Variants in SLC39A5 observed in about 807,000 individuals in gnomAD.
SLC39A5 encodes the protein zinc transporter ZIP5.
Under a neutral mutation model 46.9 loss-of-function variants are expected in SLC39A5, and 42 were observed. That is an observed-to-expected ratio of 0.90 (90% CI 0.70 to 1.16). The LOEUF (loss-of-function observed/expected upper bound fraction) is 1.16, where lower values mean the gene tolerates loss of function less well. Ranked by LOEUF, SLC39A5 falls within the 50% of genes most tolerant of loss-of-function variation. The pLI is 0.00. For missense variants in SLC39A5, 677 were observed against 686.8 expected, an observed-to-expected ratio of 0.99 and a Z score of 0.16; for synonymous variants, 311 against 323.1, an observed-to-expected ratio of 0.96 and a Z score of 0.40.
chr12:56,231,882 C>T (rs909018963), intron 4 of SLC39A5, among the ~76,000 whole-genome samples: 1 of 151,986 alleles, frequency 6.6e-6, no homozygotes, highest in African/African-American at 2.4e-5. Context: ...CACACCACCA[C>T]AGCCGGCTAA....
chr12:56,231,504 A>G lies in SLC39A5; in HGVS notation c.230A>G (p.Gln77Arg). ...LGRVQGLRLG[Q>R]HGPLTGRAAS... is the part of the protein sequence containing the mutation. The stretch of plus-strand genomic sequence containing the variant: ...CGAGTTCAGGGGCTTCGCCTGGGAC[A>G]GCATGGGCCTCTGACTGGACGGGCT... The change falls in exon 4 of 13, where the codon CAG becomes CGG. Residue 77 changes from glutamine (Q) to arginine (R), a missense_variant. Physicochemically the swap from Gln to Arg is conservative, Grantham distance 43. Transcript: ENST00000454355. The G allele has an allele frequency of 6.2e-7, 1 of 1,604,058 alleles. No individual in the cohort carries two copies. Among genetic ancestry groups the G allele is most frequent in the Non-Finnish European group, 8.5e-7 (1 of 1,174,284 alleles).
Position 56,237,578 on chromosome 12 carries a change from T to C in SLC39A5, c.1480-10T>C. Reference sequence around the variant, plus strand: ...AAGGCCAGAATCCTGACATCCTCTTTTTCTTTCAGCTACCAGCCCTGCTTC... The same window carrying C: ...AAGGCCAGAATCCTGACATCCTCTTCTTCTTTCAGCTACCAGCCCTGCTTC... On this transcript the variant is annotated splice_polypyrimidine_tract_variant and intron_variant, in intron 12 of 12. Transcript: ENST00000454355. The C allele has an allele frequency of 1.5e-5, 24 of 1,613,784 alleles. No homozygotes were observed. The highest frequency in any genetic ancestry group is 2.0e-5 in the Non-Finnish European group (24 of 1,179,918).
chr12:56,232,039 C>T (rs1424044283), intron 4 of SLC39A5, among the ~76,000 whole-genome samples: 1 of 151,976 alleles, frequency 6.6e-6, no homozygotes, highest in Non-Finnish European at 1.5e-5. Flanking sequence ...CCCTCCGTTG[C>T]CTTCTAATTC....
intron 5 of SLC39A5, among the ~76,000 whole-genome samples, chr12:56,234,368 G>A (rs966929494): frequency 1.3e-5 from 2 of 149,490 alleles, no homozygotes; most frequent in East Asian, 3.9e-4. Context: ...AGGCTGGAGT[G>A]CACTGGTGCA....
intron 3 of SLC39A5, 132 bp downstream of exon 3, chr12:56,231,005 G>A (rs908722062): frequency 2.2e-6 from 1 of 461,374 alleles, no homozygotes; most frequent in South Asian, 3.9e-5. Context: ...AGTATGAGGA[G>A]AGCTCTGACT....
At chr12:56,236,259 A>G in intron 8 of SLC39A5, 137 bp from the exon 9 acceptor site, 1 of 738,344 alleles carries the variant, frequency 1.4e-6, no homozygotes, top group Non-Finnish European at 2.3e-6. Context: ...CCAACTTGGG[A>G]AGAAGGTAGA....
intron 5 of SLC39A5, among the ~76,000 whole-genome samples, chr12:56,233,874 T>C (rs570631687): frequency 3.9e-5 from 6 of 152,322 alleles, no homozygotes; most frequent in East Asian, 1.9e-4. Flanking sequence ...TTTAAGATTC[T>C]GGCATGGAGA....
intron 4 of SLC39A5, 105 bp downstream of exon 4, chr12:56,231,666 C>G: frequency 8.0e-7 from 1 of 1,254,124 alleles, no homozygotes; most frequent in Non-Finnish European, 1.1e-6. Flanking sequence ...CCTGGAGTTA[C>G]AAATTCTTCA....
At chr12:56,232,602 C>G in intron 4 of SLC39A5, 87 bp from the exon 5 acceptor site, 1 of 1,241,476 alleles carries the variant, frequency 8.1e-7, no homozygotes, top group Non-Finnish European at 1.1e-6. Context: ...GCTAGTCCCC[C>G]CATTCCCCCT....
In SLC39A5 at chr12:56,232,877, G is replaced by T; in HGVS notation, c.471+5G>T. On this transcript the variant is annotated splice_donor_5th_base_variant and intron_variant, in intron 5 of 12. Transcript: ENST00000454355. ...GCTGACCACCTGAATGAGGATGTGA[G>T]TCTGACGGTCTCTAGAGGGGAAGGA... 4 of 1,607,272 alleles carry T rather than the reference G, an allele frequency of 2.5e-6. No individual in the cohort carries two copies. The highest frequency in any genetic ancestry group is 3.4e-6 in the Non-Finnish European group (4 of 1,177,462).
At chr12:56,237,482 G>T (rs1870931408) in intron 12 of SLC39A5, 106 bp from the exon 13 acceptor site, 1 of 1,573,358 alleles carries the variant, frequency 6.4e-7, no homozygotes, top group African/African-American at 1.4e-5. Flanking sequence ...AGAAACAAGG[G>T]ACTAAGGTGT....
chr12:56,236,750 TG>T lies in SLC39A5; in HGVS notation c.1207+5del, dbSNP rs1870817624. On this transcript the variant is annotated splice_donor_5th_base_variant and intron_variant, in intron 10 of 12. Coordinates refer to ENST00000454355, the MANE Select transcript of SLC39A5 (RefSeq NM_173596.3). ...CTCACTGATGGGCTGGCCATAGGTG[TG>T]AGGGGTGGGAACGGAGGGAAGCAGG... The T allele has an allele frequency of 1.3e-6, 2 of 1,593,230 alleles. No individual in the cohort carries two copies. The highest frequency in any genetic ancestry group is 2.3e-5 in the South Asian group (2 of 88,220).
At chr12:56,235,472 T>C in intron 7 of SLC39A5, 88 bp from the exon 8 acceptor site, 1 of 1,539,198 alleles carries the variant, frequency 6.5e-7, no homozygotes, top group Middle Eastern at 1.8e-4. Flanking sequence ...TAGTAGAGCA[T>C]ATGAGCGAAG....
Position 56,237,661 on chromosome 12 carries a change from T to C in SLC39A5, c.1553T>C (p.Leu518Pro). The change falls in exon 13 of 13, where the codon CTG (leucine) becomes CCG (proline). Residue 518 changes from leucine to proline, a missense_variant. Leu to Pro is a moderately conservative substitution (Grantham distance 98). Transcript: ENST00000454355. ...HVLLQGLGLL[L>P]GGGLMLAITL... ...CTCCTGCAGGGGCTGGGGCTGCTGC[T>C]GGGGGGCGGCCTCATGCTTGCCATA... 6.2e-7 allele frequency: 1 copy of C among 1,609,688 alleles called. No homozygotes were observed. Among genetic ancestry groups the C allele is most frequent in the South Asian group, 1.1e-5 (1 of 90,644 alleles).
In SLC39A5 at chr12:56,235,572, C is replaced by T. The variant is rs149930882; in HGVS notation, c.817C>T (p.Arg273Trp). ...LHLLPHAQEGRHAGPGGLPEK... is the reference protein window; with the variant it reads ...LHLLPHAQEGWHAGPGGLPEK... ...TTCTCTCTGTCAGGCACAAGAAGGG[C>T]GGCACGCAGGACCTGGCGGACTACC... Residue 273 changes from arginine to tryptophan, a missense_variant, in exon 8 of 13, where the codon CGG (arginine) becomes TGG (tryptophan). By Grantham distance (101) the Arg-to-Trp change is moderately radical (BLOSUM62 -3). Transcript: ENST00000454355. 4.1e-5 allele frequency: 66 copies of T among 1,613,738 alleles called. No individual in the cohort carries two copies. The highest frequency in any genetic ancestry group is 7.7e-5 in the South Asian group (7 of 91,066).
Position 56,232,777 on chromosome 12 carries a change from C to G in SLC39A5, c.376C>G (p.Pro126Ala). 5 of 1,612,040 alleles carry G rather than the reference C, an allele frequency of 3.1e-6. No homozygotes were observed. The highest frequency in any genetic ancestry group is 4.2e-6 in the Non-Finnish European group (5 of 1,179,340). Reference protein sequence around the residue: ...GWGDLEESKAPHLPRGPAPSG... With the variant: ...GWGDLEESKAAHLPRGPAPSG... The stretch of plus-strand genomic sequence containing the variant: ...GGGTGACCTGGAAGAGTCAAAGGCC[C>G]CTCACCTACCCCGTGGGCCAGCCCC... The change falls in exon 5 of 13, where the codon CCT becomes GCT. Residue 126 changes from proline to alanine, a missense_variant. By Grantham distance (27) the Pro-to-Ala change is conservative. Transcript: ENST00000454355.
At chr12:56,233,839 G>A (rs929483686) in intron 5 of SLC39A5, among the ~76,000 whole-genome samples, 1 of 152,224 alleles carries the variant, frequency 6.6e-6, no homozygotes, top group Non-Finnish European at 1.5e-5. Context: ...AGGGAGATTA[G>A]ATGGCATTTC....
chr12:56,230,407 A>T (rs952296322), intron 2 of SLC39A5, 112 bp downstream of exon 2: 18 of 152,132 alleles, frequency 1.2e-4, no homozygotes, highest in Admixed American at 7.2e-4. Context: ...CAACCTTCCC[A>T]AGGAATATGG....
chr12:56,232,554 A>G (rs1870328948), intron 4 of SLC39A5, 135 bp from the exon 5 acceptor site: 1 of 754,502 alleles, frequency 1.3e-6, no homozygotes, highest in Non-Finnish European at 2.1e-6. Context: ...TAAGAATGAC[A>G]TTCCATGGTT....
Sources: gnomAD v4.1 joint callset for allele counts (sites outside exome capture counted in the v4.1 genomes callset) on GRCh38, gnomAD v4.1.1 for gene constraint, MANE v1.5 for transcripts, NCBI Gene and HGNC (gene_info 2026-07-23, HGNC 2026-07-21) for gene names.